The following PCDHA1 variants were observed in gnomAD, a reference collection of about 807,000 sequenced individuals.
The protein encoded by PCDHA1 is protocadherin alpha-1.
Under a neutral mutation model 61.3 loss-of-function variants are expected in PCDHA1, and 42 were observed. That is an observed-to-expected ratio of 0.69 (90% CI 0.54 to 0.89). The LOEUF (loss-of-function observed/expected upper bound fraction) is 0.89, where lower values mean the gene tolerates loss of function less well. Among genes scored for constraint, PCDHA1 ranks in the 40% least tolerant of loss-of-function variants. The pLI, the probability that PCDHA1 is intolerant of heterozygous loss-of-function variation, is 0.00. For missense variants in PCDHA1, 1,256 were observed against 1,235.3 expected, an observed-to-expected ratio of 1.02 and a Z score of -0.25; for synonymous variants, 610 against 553.8, an observed-to-expected ratio of 1.10 and a Z score of -1.43.
At position 140,850,017 on chromosome 5, in the gene PCDHA1, G is replaced by A. The variant is rs149779533; in HGVS notation, c.2394+61333G>A. On this transcript the variant is annotated intron_variant, in intron 1 of 3. Transcript: ENST00000504120. ...GGGCGAGCGCTCGCTGTCGAGCTAC[G>A]TGTCAGTGCACGCGGAGAGCGGCAA... is the stretch of plus-strand genomic sequence containing the variant. 9,030 of 1,596,972 alleles carry A rather than the reference G, an allele frequency of 5.7e-3. 796 individuals are homozygous for A. Among genetic ancestry groups the A allele is most frequent in the South Asian group, 0.03 (2,755 of 90,494 alleles).
chr5:140,938,245 C>T (rs1008412260), intron 1 of PCDHA1, among the ~76,000 whole-genome samples: 1 of 152,168 alleles, frequency 6.6e-6, no homozygotes, highest in South Asian at 2.1e-4. Context: ...CATGCCTGGT[C>T]TTTTAAAAAC....
In PCDHA1 at chr5:140,929,359, C is replaced by T; in HGVS notation, c.2395-49590C>T. 3.3e-6 allele frequency: 5 copies of T among 1,522,308 alleles called. No homozygotes were observed. In the South Asian group the frequency reaches 6.6e-5, roughly 20 times the overall value. 94.3% of individuals were successfully genotyped at this position (1,522,308 alleles called of 1,614,324 possible). ...ATTTTATGGAATTTGATTCCTTTGG[C>T]CCGGAGATGGCTGCTAGCTGTGTTT... On this transcript the variant is annotated intron_variant, in intron 1 of 3. Transcript: ENST00000504120.
intron 1 of PCDHA1, among the ~76,000 whole-genome samples, chr5:140,961,917 T>G (rs2095643057): frequency 6.6e-6 from 1 of 151,470 alleles, no homozygotes; most frequent in Non-Finnish European, 1.5e-5. Flanking sequence ...GGAGTCTCGC[T>G]CTGTTGCCCA....
intron 1 of PCDHA1, chr5:140,849,050 CAA>C: frequency 6.4e-7 from 1 of 1,560,214 alleles, no homozygotes. Context: ...TGCCAACCAG[CAA>C]CCAGCAGGTA....
chr5:140,788,563 T>A lies in PCDHA1; in HGVS notation c.2273T>A (p.Val758Glu), dbSNP rs553327374. The A allele has an allele frequency of 1.2e-6, 2 of 1,613,944 alleles. No homozygotes were observed. Among genetic ancestry groups the A allele is most frequent in the Non-Finnish European group, 1.7e-6 (2 of 1,179,962 alleles). ...AACTCACAGCAGAGGCGGCAGAGGG[T>A]GTGCTCTAGCGAGGGCCCACCCAAG... The part of the protein sequence containing the change: ...WSNSQQRRQR[V>E]CSSEGPPKTD... The change falls in exon 1 of 4, where the codon GTG becomes GAG. Residue 758 changes from valine (V) to glutamate (E), a missense_variant. By Grantham distance (121) the Val-to-Glu change is moderately radical. Coordinates refer to ENST00000504120, the MANE Select transcript of PCDHA1 (RefSeq NM_018900.4).
Position 140,842,949 on chromosome 5 carries a change from C to T in PCDHA1, c.2394+54265C>T. On this transcript the variant is annotated intron_variant, in intron 1 of 3. Coordinates refer to ENST00000504120, the MANE Select transcript of PCDHA1 (RefSeq NM_018900.4). Reference sequence around the variant, plus strand: ...GTGAGCGCGCGCGACGCGGGCGTGCCGCCTCTGGGCAGCAACGTGACGCTG... The same window carrying T: ...GTGAGCGCGCGCGACGCGGGCGTGCTGCCTCTGGGCAGCAACGTGACGCTG... The T allele has an allele frequency of 3.1e-6, 5 of 1,594,666 alleles. 1 individual carries two copies. The highest frequency in any genetic ancestry group is 4.3e-6 in the Non-Finnish European group (5 of 1,165,460).
At chr5:140,966,882 C>T (rs782464160) in intron 1 of PCDHA1, 1 of 1,589,690 alleles carries the variant, frequency 6.3e-7, no homozygotes, top group Admixed American at 1.7e-5. Flanking sequence ...CTACCTGGCC[C>T]TGCGGCCTCC....
At chr5:140,863,157 C>G in intron 1 of PCDHA1, 1 of 638,958 alleles carries the variant, frequency 1.6e-6, no homozygotes, top group South Asian at 1.4e-5. Flanking sequence ...AGGACCACTG[C>G]GAGCTGGCGC....
At chr5:140,838,432 A>G (rs1426566624) in intron 1 of PCDHA1, among the ~76,000 whole-genome samples, 2 of 151,466 alleles carry the variant, frequency 1.3e-5, no homozygotes, top group African/African-American at 4.9e-5. Flanking sequence ...CCTAAATTAT[A>G]TATTGGGTTT....
rs373157192 is a variant in PCDHA1 at position 140,869,487 on chromosome 5, C to T, written c.2394+80803C>T. On this transcript the variant is annotated intron_variant, in intron 1 of 3. Transcript: ENST00000504120. ...ACGTGGAGGTGAAGGACATTAACGA[C>T]AACCCGCCGGTGTTCTCGCTCAGAG... The T allele has an allele frequency of 5.2e-5, 84 of 1,614,180 alleles. No homozygotes were observed. The African/African-American group carries it at 8.9e-4, about 17-fold the overall frequency.
intron 1 of PCDHA1, chr5:140,883,107 C>T: frequency 6.2e-7 from 1 of 1,614,064 alleles, no homozygotes. Context: ...ATAGTTTACT[C>T]ATTTAGAAGG....
intron 1 of PCDHA1, chr5:140,882,198 G>C (rs964999330): frequency 2.0e-6 from 3 of 1,525,466 alleles, no homozygotes; most frequent in African/African-American, 2.8e-5. Context: ...ATAAAAATTG[G>C]GCCTTGAGAG....
rs1554262965 is a variant in PCDHA1 at position 141,010,497 on chromosome 5, T to A, written c.*560T>A. Reference sequence around the variant, plus strand: ...AAGTGTAAACTTAAAGGGACCAGACTTTCTAAATCTTACAACTCAAGAGGT... The same window carrying A: ...AAGTGTAAACTTAAAGGGACCAGACATTCTAAATCTTACAACTCAAGAGGT... On this transcript the variant is annotated 3_prime_UTR_variant, in exon 4 of 4. Coordinates refer to ENST00000504120, the MANE Select transcript of PCDHA1 (RefSeq NM_018900.4). The A allele has an allele frequency of 1.7e-6, 1 of 584,358 alleles. No homozygotes were observed. Among genetic ancestry groups the A allele is most frequent in the African/African-American group, 1.9e-5 (1 of 53,100 alleles). 36.2% of individuals were successfully genotyped at this position (584,358 alleles called of 1,614,324 possible).
chr5:140,842,994 A>G lies in PCDHA1; in HGVS notation c.2394+54310A>G, dbSNP rs1409771801. 3.8e-6 allele frequency: 6 copies of G among 1,595,048 alleles called. 1 individual carries two copies. The Admixed American group carries it at 1.0e-4, about 27-fold the overall frequency. ...ACGCTGCAGGTGTTCGTGCTGGACGAGAATGACAACGCGCCGGCACTGCTG... is the reference window on the plus strand; with the variant it reads ...ACGCTGCAGGTGTTCGTGCTGGACGGGAATGACAACGCGCCGGCACTGCTG... On this transcript the variant is annotated intron_variant, in intron 1 of 3. Coordinates refer to ENST00000504120, the MANE Select transcript of PCDHA1 (RefSeq NM_018900.4).
chr5:140,823,471 G>T (rs1554129365), intron 1 of PCDHA1: 2 of 1,613,352 alleles, frequency 1.2e-6, no homozygotes, highest in African/African-American at 2.7e-5. Context: ...GGCGCTGCTG[G>T]TGCCTCGAGT....
At chr5:140,816,902 C>T (rs2126676143) in intron 1 of PCDHA1, 2 of 152,180 alleles carry the variant, frequency 1.3e-5, no homozygotes, top group African/African-American at 4.8e-5. Flanking sequence ...TTCTGAGAAG[C>T]CCTCAGTTAT....
At chr5:141,009,279 A>T (rs2098404369) in intron 3 of PCDHA1, among the ~76,000 whole-genome samples, 1 of 152,124 alleles carries the variant, frequency 6.6e-6, no homozygotes, top group Non-Finnish European at 1.5e-5. Flanking sequence ...ACATAGTGAG[A>T]TCCCATTTCT....
At chr5:141,000,361 GTC>G (rs148596731) in intron 3 of PCDHA1, among the ~76,000 whole-genome samples, 577 of 26,370 alleles carry the variant, frequency 0.022, 17 homozygotes, top group Admixed American at 0.027. Context: ...GTCTCTCTCT[GTC>G]TCTCTCTCTC....
At chr5:140,947,622 G>C (rs1435558526) in intron 1 of PCDHA1, among the ~76,000 whole-genome samples, 1 of 151,534 alleles carries the variant, frequency 6.6e-6, no homozygotes, top group East Asian at 1.9e-4. Context: ...TAACAATATT[G>C]AGTCATCAGA....
Sources: allele counts gnomAD v4.1 joint callset (sites outside exome capture counted in the v4.1 genomes callset), GRCh38; gene constraint gnomAD v4.1.1; transcripts MANE v1.5; gene names NCBI Gene and HGNC (gene_info 2026-07-23, HGNC 2026-07-21).